The following SDK1 variants were observed in gnomAD, a reference collection of about 807,000 sequenced individuals.
SDK1 encodes the protein protein sidekick-1.
SDK1 carries 157 observed loss-of-function variants against 245.5 expected under a neutral mutation model. That is an observed-to-expected ratio of 0.64 (90% CI 0.56 to 0.73). SDK1 has a LOEUF of 0.73. Among genes scored for constraint, SDK1 ranks in the 30% least tolerant of loss-of-function variants. SDK1 has a pLI of 0.00. For synonymous variants in SDK1, 1,647 were observed against 1,278.5 expected (o/e 1.29, Z -6.15); for missense variants, 3,583 against 3,002.3 (o/e 1.19, Z -4.52).
intron 14 of SDK1, among the ~76,000 whole-genome samples, chr7:3,996,405 A>C (rs543495626): frequency 6.1e-4 from 93 of 152,190 alleles, no homozygotes; most frequent in Non-Finnish European, 1.2e-3. Context: ...ATTTTGTTTC[A>C]AAAGTAGTCT....
At chr7:3,498,019 C>T (rs1001398106) in intron 1 of SDK1, among the ~76,000 whole-genome samples, 5 of 152,270 alleles carry the variant, frequency 3.3e-5, no homozygotes, top group Non-Finnish European at 7.4e-5. Context: ...TGGCTTGTAT[C>T]GATTATAATT....
At chr7:3,975,181 C>A (rs553653927) in intron 13 of SDK1, among the ~76,000 whole-genome samples, 1 of 152,172 alleles carries the variant, frequency 6.6e-6, no homozygotes, top group Non-Finnish European at 1.5e-5. Context: ...AGCAGGAAAC[C>A]AAAATACCTG....
intron 22 of SDK1, among the ~76,000 whole-genome samples, chr7:4,082,545 AAAAAAG>A (rs1024772501): frequency 1.1e-4 from 17 of 151,984 alleles, no homozygotes; most frequent in African/African-American, 4.1e-4. Flanking sequence ...AAAAAAAAAA[AAAAAAG>A]AAAAGAAAAG....
chr7:3,708,336 G>C (rs1357559437), intron 4 of SDK1, among the ~76,000 whole-genome samples: 2 of 130,376 alleles, frequency 1.5e-5, no homozygotes, highest in Non-Finnish European at 3.3e-5. Flanking sequence ...CCTCCCACCA[G>C]GCCCTCCATA....
At chr7:3,858,159 A>G (rs990093364) in intron 5 of SDK1, among the ~76,000 whole-genome samples, 1 of 152,250 alleles carries the variant, frequency 6.6e-6, no homozygotes, top group Non-Finnish European at 1.5e-5. Context: ...GTAAATTTGT[A>G]CATATGAGAA....
chr7:3,482,863 C>T (rs1370523137), intron 1 of SDK1, among the ~76,000 whole-genome samples: 1 of 152,222 alleles, frequency 6.6e-6, no homozygotes, highest in Non-Finnish European at 1.5e-5. Flanking sequence ...ACGAAATAAT[C>T]TGTGTAATAA....
At chr7:3,384,773 A>G (rs10233684) in intron 1 of SDK1, among the ~76,000 whole-genome samples, 72,020 of 152,140 alleles carry the variant, frequency 0.47, 18,838 homozygotes, top group East Asian at 0.61. Context: ...GTATACATCA[A>G]TATGTACATT....
At chr7:3,769,396 C>G (rs1388550356) in intron 4 of SDK1, among the ~76,000 whole-genome samples, 1 of 152,072 alleles carries the variant, frequency 6.6e-6, no homozygotes, top group Non-Finnish European at 1.5e-5. Context: ...CCTCAGGTCT[C>G]TCTTCTTACA....
intron 1 of SDK1, among the ~76,000 whole-genome samples, chr7:3,595,329 T>C (rs1781018637): frequency 6.6e-6 from 1 of 152,152 alleles, no homozygotes; most frequent in African/African-American, 2.4e-5. Context: ...TTTATATACT[T>C]CTACCCTATT....
intron 1 of SDK1, among the ~76,000 whole-genome samples, chr7:3,533,396 C>T (rs1783414358): frequency 6.6e-6 from 1 of 152,174 alleles, no homozygotes; most frequent in Admixed American, 6.5e-5. Context: ...GGAGGACTTC[C>T]ATTTGACTTC....
chr7:3,505,209 T>A (rs576314754), intron 1 of SDK1, among the ~76,000 whole-genome samples: 2 of 150,824 alleles, frequency 1.3e-5, no homozygotes, highest in South Asian at 4.2e-4. Flanking sequence ...ATTAAACCTA[T>A]TTTTTTTTGA....
intron 1 of SDK1, among the ~76,000 whole-genome samples, chr7:3,401,790 A>C (rs1359051765): frequency 6.6e-6 from 1 of 152,148 alleles, no homozygotes; most frequent in African/African-American, 2.4e-5. Context: ...TCAAATACTT[A>C]AACTGTTAAC....
chr7:4,000,577 G>A (rs777608726), intron 14 of SDK1, among the ~76,000 whole-genome samples: 80 of 152,104 alleles, frequency 5.3e-4, no homozygotes, highest in Non-Finnish European at 9.7e-4. Context: ...TCTCCACGCC[G>A]CTCTCCATGA....
intron 1 of SDK1, among the ~76,000 whole-genome samples, chr7:3,605,345 T>C (rs974560139): frequency 6.6e-6 from 1 of 152,224 alleles, no homozygotes; most frequent in East Asian, 1.9e-4. Context: ...TTAGATTGTT[T>C]TATGGTTTGA....
At chr7:4,093,589 C>T (rs925684755) in intron 22 of SDK1, among the ~76,000 whole-genome samples, 3 of 151,920 alleles carry the variant, frequency 2.0e-5, no homozygotes, top group African/African-American at 4.8e-5. Flanking sequence ...TAGTGCTGGT[C>T]TCTCTGTAAC....
At chr7:3,484,179 C>G (rs1781605114) in intron 1 of SDK1, among the ~76,000 whole-genome samples, 1 of 152,184 alleles carries the variant, frequency 6.6e-6, no homozygotes. Flanking sequence ...CCACAGGTGG[C>G]CCTGCCAAAC....
chr7:4,115,881 T>A (rs187407379), intron 25 of SDK1, among the ~76,000 whole-genome samples: 39 of 152,228 alleles, frequency 2.6e-4, no homozygotes, highest in Admixed American at 7.8e-4. Flanking sequence ...CAGAGTGACT[T>A]TGATGGGAAA....
At chr7:3,539,921 G>A (rs1779004585) in intron 1 of SDK1, among the ~76,000 whole-genome samples, 1 of 152,190 alleles carries the variant, frequency 6.6e-6, no homozygotes, top group South Asian at 2.1e-4. Context: ...GATGGGAGCT[G>A]TTGCCAGCTG....
intron 30 of SDK1, among the ~76,000 whole-genome samples, chr7:4,156,012 A>G (rs1370687496): frequency 6.6e-6 from 1 of 152,202 alleles, no homozygotes; most frequent in Non-Finnish European, 1.5e-5. Flanking sequence ...AGCTTGCCCC[A>G]CACCACACAC....
Sources: gnomAD v4.1 joint callset for allele counts (sites outside exome capture counted in the v4.1 genomes callset) on GRCh38, gnomAD v4.1.1 for gene constraint, MANE v1.5 for transcripts, NCBI Gene and HGNC (gene_info 2026-07-23, HGNC 2026-07-21) for gene names.